Variants in PRR16 observed in about 807,000 individuals in gnomAD.
The protein encoded by PRR16 is proline rich 16, also known as protein Largen.
In PRR16, 6 loss-of-function variants were observed where a neutral mutation model predicts 18.2. The ratio of observed to expected loss-of-function variants is 0.33; its 90% CI spans 0.18 to 0.65. The LOEUF (loss-of-function observed/expected upper bound fraction) is 0.65. Ranked by LOEUF, PRR16 falls within the 30% of genes least tolerant of loss-of-function variation. The pLI is 0.74. For missense variants in PRR16, 412 were observed against 376.6 expected, an observed-to-expected ratio of 1.09 and a Z score of -0.78; for synonymous variants, 151 against 147.8, an observed-to-expected ratio of 1.02 and a Z score of -0.16.
At chr5:120,477,622 G>A (rs962864531) in intron 1 of PRR16, among the ~76,000 whole-genome samples, 2 of 152,138 alleles carry the variant, frequency 1.3e-5, no homozygotes, top group African/African-American at 4.8e-5. Flanking sequence ...TTATCAGTAA[G>A]TGTGAAGTTA....
intron 1 of PRR16, among the ~76,000 whole-genome samples, chr5:120,668,656 A>G (rs1371664450): frequency 6.6e-6 from 1 of 152,116 alleles, no homozygotes; most frequent in African/African-American, 2.4e-5. Flanking sequence ...CCTGGTGGTG[A>G]CAAAATCTCT....
intron 1 of PRR16, among the ~76,000 whole-genome samples, chr5:120,495,172 C>A (rs1484468441): frequency 1.3e-5 from 2 of 151,924 alleles, no homozygotes. Flanking sequence ...TAATTAAAAA[C>A]TTTACAATGT....
chr5:120,638,418 A>T (rs2112852181), intron 1 of PRR16, among the ~76,000 whole-genome samples: 1 of 152,264 alleles, frequency 6.6e-6, no homozygotes, highest in African/African-American at 2.4e-5. Flanking sequence ...GGAATTCATG[A>T]CACATAGAGG....
chr5:120,767,167 A>T, the PRR16 span, among the ~76,000 whole-genome samples: 1 of 151,954 alleles, frequency 6.6e-6, no homozygotes, highest in African/African-American at 2.4e-5. Flanking sequence ...TTAAAGGGTT[A>T]AAAGTTAACA....
intron 1 of PRR16, among the ~76,000 whole-genome samples, chr5:120,551,072 C>G (rs1234531116): frequency 6.6e-6 from 1 of 151,914 alleles, no homozygotes; most frequent in East Asian, 1.9e-4. Context: ...AATCTACTCT[C>G]TTAAAAATTT....
the PRR16 span, among the ~76,000 whole-genome samples, chr5:120,779,840 T>C: frequency 8.1e-4 from 124 of 152,246 alleles, no homozygotes; most frequent in African/African-American, 2.9e-3. Flanking sequence ...GGACTCAGGG[T>C]GTATGACAGC....
the PRR16 span, among the ~76,000 whole-genome samples, chr5:120,788,570 T>C: frequency 6.6e-6 from 1 of 152,082 alleles, no homozygotes; most frequent in Non-Finnish European, 1.5e-5. Flanking sequence ...TAGAGACTTA[T>C]ATTTCTAGAT....
intron 1 of PRR16, among the ~76,000 whole-genome samples, chr5:120,492,742 G>A (rs567106811): frequency 5.3e-5 from 8 of 151,966 alleles, no homozygotes; most frequent in East Asian, 3.9e-4. Flanking sequence ...CCCACAGTCC[G>A]TTATATCACT....
intron 1 of PRR16, among the ~76,000 whole-genome samples, chr5:120,662,624 T>G (rs1449166): frequency 6.6e-6 from 1 of 151,870 alleles, no homozygotes; most frequent in South Asian, 2.1e-4. Context: ...CATATCACAA[T>G]AGTGTTTATA....
chr5:120,575,469 G>A (rs972706799), intron 1 of PRR16, among the ~76,000 whole-genome samples: 1 of 151,818 alleles, frequency 6.6e-6, no homozygotes, highest in East Asian at 1.9e-4. Context: ...CATGACCAAG[G>A]GGATTAATCC....
intron 1 of PRR16, among the ~76,000 whole-genome samples, chr5:120,645,182 A>T (rs1235743723): frequency 6.6e-6 from 1 of 152,126 alleles, no homozygotes; most frequent in Non-Finnish European, 1.5e-5. Flanking sequence ...AAAGATTAGA[A>T]AAATTGAGTA....
intron 1 of PRR16, among the ~76,000 whole-genome samples, chr5:120,511,399 T>C (rs1467790665): frequency 6.6e-6 from 1 of 152,160 alleles, no homozygotes; most frequent in Non-Finnish European, 1.5e-5. Flanking sequence ...CTCCTTCTCA[T>C]TTATTATTGT....
chr5:120,668,968 A>T (rs1371109086), intron 1 of PRR16, among the ~76,000 whole-genome samples: 1 of 152,200 alleles, frequency 6.6e-6, no homozygotes, highest in Non-Finnish European at 1.5e-5. Flanking sequence ...ACCGTCTGCA[A>T]AGGGCATGCC....
At chr5:120,501,459 G>A (rs73264183) in intron 1 of PRR16, among the ~76,000 whole-genome samples, 2,006 of 152,064 alleles carry the variant, frequency 0.013, 16 homozygotes, top group Middle Eastern at 0.11. Flanking sequence ...TCTTGATGAC[G>A]ATAAAAGTAA....
chr5:120,556,252 T>TTTTTTTTG (rs1752408256), intron 1 of PRR16, among the ~76,000 whole-genome samples: 1 of 149,090 alleles, frequency 6.7e-6, no homozygotes, highest in African/African-American at 2.5e-5. Flanking sequence ...TTTTTTTTTT[T>TTTTTTTTG]GTACCATGCT....
At chr5:120,761,182 T>A in the PRR16 span, among the ~76,000 whole-genome samples, 1 of 152,118 alleles carries the variant, frequency 6.6e-6, no homozygotes, top group African/African-American at 2.4e-5. Context: ...TTAAGCCTAT[T>A]TTAATTAATC....
Position 120,686,762 on chromosome 5 carries a change from ATAAG to A in PRR16, c.*57_*60del. 6.2e-6 allele frequency: 8 copies of A among 1,300,070 alleles called. No individual in the cohort carries two copies. The highest frequency in any genetic ancestry group is 8.0e-6 in the Non-Finnish European group (8 of 994,328). 80.5% of individuals were successfully genotyped at this position (1,300,070 alleles called of 1,614,324 possible). On this transcript the variant is annotated 3_prime_UTR_variant, in exon 2 of 2. Transcript: ENST00000407149. Reference sequence around the variant, plus strand: ...TAATTTTCTATATTATAAACATAAAATAAGTAATGAGCACTTTCTACTCAAGCAA... The same window carrying A: ...TAATTTTCTATATTATAAACATAAAATAATGAGCACTTTCTACTCAAGCAA...
chr5:120,779,411 C>A, the PRR16 span, among the ~76,000 whole-genome samples: 12 of 123,458 alleles, frequency 9.7e-5, no homozygotes, highest in Non-Finnish European at 1.5e-4. Context: ...TCAGGGAAAA[C>A]AAAACAAAAC....
chr5:120,721,622 T>G, the PRR16 span, among the ~76,000 whole-genome samples: 1 of 152,014 alleles, frequency 6.6e-6, no homozygotes, highest in African/African-American at 2.4e-5. Context: ...TGTGAGCAAG[T>G]AGTGGAAGGA....
Sources: allele counts gnomAD v4.1 joint callset (sites outside exome capture counted in the v4.1 genomes callset), GRCh38; gene constraint gnomAD v4.1.1; transcripts MANE v1.5; gene names NCBI Gene and HGNC (gene_info 2026-07-23, HGNC 2026-07-21).